Variants in LYZL2 observed in about 807,000 individuals in gnomAD.
LYZL2 encodes the protein lysozyme-like protein 2.
LYZL2 carries 13 observed loss-of-function variants against 17.1 expected under a neutral mutation model. That is an observed-to-expected ratio of 0.76 (90% CI 0.49 to 1.21). The LOEUF is 1.21. LYZL2 is among the 50% of genes most tolerant of loss of function. The pLI is 0.00. For synonymous variants in LYZL2, 63 were observed against 74.4 expected, an observed-to-expected ratio of 0.85 and a Z score of 0.79; for missense variants, 166 against 189.2, an observed-to-expected ratio of 0.88 and a Z score of 0.72.
At chr10:30,614,621 A>T (rs554839166) in intron 3 of LYZL2, among the ~76,000 whole-genome samples, 34 of 152,154 alleles carry the variant, frequency 2.2e-4, no homozygotes, top group Admixed American at 3.3e-4. Flanking sequence ...TGATCTCATT[A>T]CTGCTTGTCA....
intron 4 of LYZL2, among the ~76,000 whole-genome samples, chr10:30,612,297 C>T (rs1433698888): frequency 3.9e-5 from 6 of 152,196 alleles, no homozygotes; most frequent in Non-Finnish European, 8.8e-5. Context: ...AATTCGGGTT[C>T]CCTGAGTGGG....
downstream of LYZL2, among the ~76,000 whole-genome samples, chr10:30,611,566 G>GAAAGAAA (rs1838436947): frequency 1.6e-3 from 99 of 63,152 alleles, no homozygotes; most frequent in South Asian, 5.5e-3. Context: ...AAGGAAGGAA[G>GAAAGAAA]GAAGGAAAGA....
chr10:30,626,232 G>A lies in LYZL2; in HGVS notation c.171C>T (p.Tyr57=). Residue 57 remains tyrosine (Y), a synonymous_variant, in exon 3 of 5, where the codon TAC becomes TAT. Transcript: ENST00000647634. The part of the protein sequence containing the change: ...WICMAYYESG[Y]NTTAQTVLDD... Reference sequence around the variant, plus strand: ...CCAGGACCGTCTGGGCTGTGGTGTTGTAGCCGCTCTCATAATACGCCATGC... The same window carrying A: ...CCAGGACCGTCTGGGCTGTGGTGTTATAGCCGCTCTCATAATACGCCATGC... 6.2e-7 allele frequency: 1 copy of A among 1,613,870 alleles called. No individual in the cohort carries two copies. Among genetic ancestry groups the A allele is most frequent in the Non-Finnish European group, 8.5e-7 (1 of 1,179,994 alleles).
rs372134667 is a variant in LYZL2, at chr10:30,622,315, G to C, written c.298+3790C>G. On this transcript the variant is annotated intron_variant, in intron 3 of 4. Coordinates refer to ENST00000647634, the MANE Select transcript of LYZL2 (RefSeq NM_183058.3). ...TAATCCCAGCACTTTGGGAGGCCAA[G>C]GTAGGCAGATCACAAGGTCAGGAGA... Among the ~76,000 whole-genome samples the C allele has an allele frequency of 3.9e-5, 6 of 152,278 alleles. No individual in the cohort carries two copies. In the East Asian group the frequency reaches 1.2e-3, roughly 29 times the overall value.
chr10:30,619,979 C>T (rs1399648350), intron 3 of LYZL2, among the ~76,000 whole-genome samples: 1 of 152,058 alleles, frequency 6.6e-6, no homozygotes, highest in Non-Finnish European at 1.5e-5. Flanking sequence ...TTCTGTTTGG[C>T]ACAGATAATA....
At chr10:30,613,653 T>C (rs906617075) in intron 3 of LYZL2, among the ~76,000 whole-genome samples, 1 of 152,204 alleles carries the variant, frequency 6.6e-6, no homozygotes, top group African/African-American at 2.4e-5. Context: ...CAGGGTGTTT[T>C]TCATGTGCAG....
At position 30,612,850 on chromosome 10, in the gene LYZL2, C is replaced by T. The variant is rs375044729; in HGVS notation, c.349G>A (p.Val117Ile). 1 of 1,613,864 alleles carries T rather than the reference C, an allele frequency of 6.2e-7. No homozygotes were observed. The highest frequency in any genetic ancestry group is 1.7e-5 in the Admixed American group (1 of 60,022). Reference protein sequence around the residue: ...TDAIICAKKIVKETQGMNYWQ... With the variant: ...TDAIICAKKIIKETQGMNYWQ... ...TAGTTCATTCCTTGTGTCTCTTTAA[C>T]AATTTTCTTGGCACAGATAATCGCA... Residue 117 changes from valine (V) to isoleucine (I), a missense_variant, in exon 4 of 5, where the codon GTT (valine) becomes ATT (isoleucine). Coordinates refer to ENST00000647634, the MANE Select transcript of LYZL2 (RefSeq NM_183058.3).
In LYZL2 at chr10:30,620,985, G is replaced by A. The variant is rs113104668; in HGVS notation, c.298+5120C>T. Among the ~76,000 whole-genome samples, 211 of 152,256 alleles carry A rather than the reference G, an allele frequency of 1.4e-3. 2 individuals carry two copies. The highest frequency in any genetic ancestry group is 4.7e-3 in the African/African-American group (195 of 41,560). On this transcript the variant is annotated intron_variant, in intron 3 of 4. Transcript: ENST00000647634. ...CAATGATGAATGGTACAGCATCAGC[G>A]ATCGAACATACATGCCGTTAGAATT...
chr10:30,621,008 AT>A (rs1018536531), intron 3 of LYZL2, among the ~76,000 whole-genome samples: 12 of 152,236 alleles, frequency 7.9e-5, no homozygotes, highest in Non-Finnish European at 1.3e-4. Flanking sequence ...TGCCGTTAGA[AT>A]TCTTGAAGGA....
At chr10:30,626,328 A>G (rs1468421665) in intron 2 of LYZL2, 65 bp from the exon 3 acceptor site, 9 of 1,588,014 alleles carry the variant, frequency 5.7e-6, no homozygotes, top group Middle Eastern at 1.7e-4. Flanking sequence ...AGCTTGGTCT[A>G]AGGGCAAGTT....
At chr10:30,627,635 A>G (rs1386272165) in intron 1 of LYZL2, among the ~76,000 whole-genome samples, 2 of 152,182 alleles carry the variant, frequency 1.3e-5, no homozygotes, top group East Asian at 3.8e-4. Context: ...CATAGAACGT[A>G]CAAAATATGT....
At chr10:30,611,606 A>G (rs1177181787), downstream of LYZL2, among the ~76,000 whole-genome samples, 1 of 146,690 alleles carries the variant, frequency 6.8e-6, no homozygotes, top group African/African-American at 2.6e-5. Context: ...AAAGAAAGAA[A>G]GAAAGAAAGA....
At chr10:30,616,423 G>A (rs1475806752) in intron 3 of LYZL2, among the ~76,000 whole-genome samples, 2 of 152,186 alleles carry the variant, frequency 1.3e-5, no homozygotes, top group African/African-American at 2.4e-5. Flanking sequence ...GGTGGCTCAC[G>A]CCTATAATCC....
downstream of LYZL2, among the ~76,000 whole-genome samples, chr10:30,611,571 G>GAAAGAAAGAAAT (rs1564405866): frequency 1.6e-5 from 1 of 62,716 alleles, no homozygotes; most frequent in East Asian, 5.0e-4. Flanking sequence ...AGGAAGGAAG[G>GAAAGAAAGAAAT]AAAGAAAGAA....
chr10:30,619,586 C>T (rs952411352), intron 3 of LYZL2, among the ~76,000 whole-genome samples: 3 of 149,700 alleles, frequency 2.0e-5, no homozygotes, highest in Non-Finnish European at 4.4e-5. Context: ...GACAAAAAAC[C>T]AAACACCGCA....
intron 3 of LYZL2, among the ~76,000 whole-genome samples, chr10:30,614,074 T>A (rs531109411): frequency 1.5e-4 from 23 of 152,326 alleles, no homozygotes; most frequent in African/African-American, 5.5e-4. Flanking sequence ...TTAGTTGATA[T>A]CCACATTCTT....
At chr10:30,619,736 G>C (rs1320875463) in intron 3 of LYZL2, among the ~76,000 whole-genome samples, 1 of 151,902 alleles carries the variant, frequency 6.6e-6, no homozygotes, top group Non-Finnish European at 1.5e-5. Context: ...TAAATGAGGA[G>C]TTAATGAGTG....
In LYZL2 at chr10:30,626,912, T is replaced by C. The variant is rs1838721172; in HGVS notation, c.4A>G (p.Lys2Glu). 6.2e-7 allele frequency: 1 copy of C among 1,613,186 alleles called. No homozygotes were observed. The highest frequency in any genetic ancestry group is 1.3e-5 in the African/African-American group (1 of 74,862). The change falls in exon 2 of 5, where the codon AAG (lysine) becomes GAG (glutamate). Residue 2 changes from lysine to glutamate, a missense_variant. Physicochemically the swap from Lys to Glu is moderately conservative, Grantham distance 56 (BLOSUM62 1). This residue lies in a region of LYZL2 where 32 missense variants were observed against 59.8 expected (regional missense o/e 0.53). Coordinates refer to ENST00000647634, the MANE Select transcript of LYZL2 (RefSeq NM_183058.3). ...ATGAGGGTCAGAATGCCCGCAGCCT[T>C]CATCCTCAAAGCCTGCCGGAGACAG... M[K>E]AAGILTLIGC...
At chr10:30,627,868 T>C (rs929210722) in intron 1 of LYZL2, among the ~76,000 whole-genome samples, 1 of 152,174 alleles carries the variant, frequency 6.6e-6, no homozygotes, top group Non-Finnish European at 1.5e-5. Context: ...ACTTTAAGAT[T>C]CATCGTCTAG....
Sources: allele counts gnomAD v4.1 joint callset (sites outside exome capture counted in the v4.1 genomes callset), GRCh38; gene constraint gnomAD v4.1.1; regional missense constraint gnomAD v4.1.1; transcripts MANE v1.5; gene names NCBI Gene and HGNC (gene_info 2026-07-23, HGNC 2026-07-21).